The following SORCS1 variants were observed in gnomAD, a reference collection of about 807,000 sequenced individuals.
SORCS1 encodes the protein sortilin related VPS10 domain containing receptor 1.
In SORCS1, 60 loss-of-function variants were observed where a neutral mutation model predicts 146.1. The ratio of observed to expected loss-of-function variants is 0.41; its 90% CI spans 0.33 to 0.51. The LOEUF is 0.51. Ranked by LOEUF, SORCS1 falls within the 20% of genes least tolerant of loss-of-function variation. The pLI is 0.21. For missense variants in SORCS1, 1,352 were observed against 1,487.6 expected (o/e 0.91, Z 1.50); for synonymous variants, 637 against 584.0 (o/e 1.09, Z -1.31).
intron 2 of SORCS1, among the ~76,000 whole-genome samples, chr10:106,850,120 C>G (rs374466018): frequency 2.5e-4 from 38 of 151,842 alleles, no homozygotes; most frequent in Non-Finnish European, 4.3e-4. Flanking sequence ...CCACCCAGTT[C>G]GAGCTTCCCG....
At chr10:106,770,912 A>G (rs1268487996) in intron 4 of SORCS1, among the ~76,000 whole-genome samples, 1 of 152,196 alleles carries the variant, frequency 6.6e-6, no homozygotes, top group East Asian at 1.9e-4. Context: ...GTGGTCTTGA[A>G]CGTCCACAAG....
intron 1 of SORCS1, among the ~76,000 whole-genome samples, chr10:107,032,027 T>A (rs1283775133): frequency 2.6e-5 from 4 of 152,022 alleles, no homozygotes; most frequent in African/African-American, 9.7e-5. Flanking sequence ...GTGAAAAGAG[T>A]GCCCATAGGA....
chr10:106,940,533 C>G (rs554881564), intron 2 of SORCS1, among the ~76,000 whole-genome samples: 60 of 152,300 alleles, frequency 3.9e-4, no homozygotes, highest in African/African-American at 1.4e-3. Context: ...AGCACATGAG[C>G]AGTAATTTAT....
chr10:107,030,630 T>A (rs1370751750), intron 1 of SORCS1, among the ~76,000 whole-genome samples: 1 of 152,168 alleles, frequency 6.6e-6, no homozygotes, highest in Admixed American at 6.5e-5. Context: ...AAAAAGTTAA[T>A]GAAAAAACAC....
intron 2 of SORCS1, among the ~76,000 whole-genome samples, chr10:106,938,419 G>T (rs1432978862): frequency 6.6e-6 from 1 of 152,230 alleles, no homozygotes. Context: ...GAACATGGAT[G>T]ACTTAGTTCC....
intron 1 of SORCS1, among the ~76,000 whole-genome samples, chr10:107,013,533 C>T (rs944327457): frequency 6.6e-6 from 1 of 152,060 alleles, no homozygotes; most frequent in African/African-American, 2.4e-5. Flanking sequence ...TGTTCTCTCC[C>T]TTCCTGCAGT....
At chr10:107,005,749 C>T (rs549352934) in intron 1 of SORCS1, among the ~76,000 whole-genome samples, 4 of 152,120 alleles carry the variant, frequency 2.6e-5, no homozygotes, top group Admixed American at 1.3e-4. Context: ...TGGGACCATA[C>T]AATATTTTAA....
intron 5 of SORCS1, among the ~76,000 whole-genome samples, chr10:106,751,596 G>A (rs1308240862): frequency 3.3e-5 from 5 of 152,056 alleles, no homozygotes; most frequent in African/African-American, 1.2e-4. Flanking sequence ...TTAATAAATA[G>A]CCTAGTGCAT....
intron 1 of SORCS1, among the ~76,000 whole-genome samples, chr10:107,002,413 G>A (rs1200895279): frequency 6.6e-6 from 1 of 152,096 alleles, no homozygotes; most frequent in African/African-American, 2.4e-5. Flanking sequence ...TCCTACCTGA[G>A]ACTAATTTAG....
the SORCS1 span, among the ~76,000 whole-genome samples, chr10:107,175,225 T>C: frequency 2.0e-5 from 3 of 152,208 alleles, no homozygotes; most frequent in East Asian, 5.8e-4. Flanking sequence ...TTTTGTATAA[T>C]GTCCTTAATG....
At position 106,934,660 on chromosome 10, in the gene SORCS1, C is replaced by T. The variant is rs61867178; in HGVS notation, c.626+21853G>A. Among the ~76,000 whole-genome samples, 1,320 of 152,270 alleles carry T rather than the reference C, an allele frequency of 8.7e-3. 12 individuals are homozygous for T. Among genetic ancestry groups the T allele is most frequent in the Middle Eastern group, 0.024 (7 of 294 alleles). ...ACAATTGCAAAGATATGAAACCAAC[C>T]TACATGCCCATCAACGATTGAGTGT... On this transcript the variant is annotated intron_variant, in intron 2 of 25. Transcript: ENST00000263054.
At chr10:106,915,379 T>C (rs923197404) in intron 2 of SORCS1, among the ~76,000 whole-genome samples, 1 of 152,164 alleles carries the variant, frequency 6.6e-6, no homozygotes, top group African/African-American at 2.4e-5. Context: ...TTATGCATTA[T>C]CCTTTCCCTG....
intron 1 of SORCS1, among the ~76,000 whole-genome samples, chr10:107,121,857 G>A (rs1651749627): frequency 6.6e-6 from 1 of 152,200 alleles, no homozygotes; most frequent in African/African-American, 2.4e-5. Flanking sequence ...GGCATGGGGA[G>A]AGGGGCTATC....
At chr10:107,116,209 C>T (rs937476455) in intron 1 of SORCS1, among the ~76,000 whole-genome samples, 5 of 151,964 alleles carry the variant, frequency 3.3e-5, no homozygotes, top group South Asian at 2.1e-4. Context: ...TAGGAAGGCT[C>T]TTAAAAAATT....
intron 14 of SORCS1, among the ~76,000 whole-genome samples, chr10:106,674,419 T>C (rs564193843): frequency 5.8e-4 from 87 of 150,206 alleles, no homozygotes; most frequent in African/African-American, 1.7e-3. Context: ...AAAGTTTTCA[T>C]TGATGACCAG....
intron 1 of SORCS1, among the ~76,000 whole-genome samples, chr10:107,042,635 G>A (rs1181247845): frequency 2.0e-5 from 3 of 148,986 alleles, no homozygotes; most frequent in African/African-American, 5.0e-5. Context: ...TTGAGACAGA[G>A]TTTCACTCTT....
chr10:106,760,731 A>G (rs968074024), intron 5 of SORCS1, among the ~76,000 whole-genome samples: 24 of 144,754 alleles, frequency 1.7e-4, no homozygotes, highest in Non-Finnish European at 1.0e-4. Flanking sequence ...ACACACACAC[A>G]CACACGCACA....
intron 1 of SORCS1, among the ~76,000 whole-genome samples, chr10:107,019,739 C>A (rs1448100225): frequency 6.6e-6 from 1 of 152,234 alleles, no homozygotes; most frequent in Admixed American, 6.5e-5. Flanking sequence ...TTATTTCCAA[C>A]AGCAGGTATC....
At chr10:107,148,569 T>C (rs2134788671) in intron 1 of SORCS1, among the ~76,000 whole-genome samples, 1 of 152,330 alleles carries the variant, frequency 6.6e-6, no homozygotes, top group East Asian at 1.9e-4. Context: ...CTGTGTAAAT[T>C]ACCTCAAATC....
Sources: gnomAD v4.1 joint callset for allele counts (sites outside exome capture counted in the v4.1 genomes callset) on GRCh38, gnomAD v4.1.1 for gene constraint, MANE v1.5 for transcripts, NCBI Gene and HGNC (gene_info 2026-07-23, HGNC 2026-07-21) for gene names.